The following ARMC1 variants were observed in gnomAD, a reference collection of about 807,000 sequenced individuals.
The protein encoded by ARMC1 is armadillo repeat-containing protein 1.
Under a neutral mutation model 31.4 loss-of-function variants are expected in ARMC1, and 16 were observed. The observed-to-expected ratio is 0.51, with a 90% CI of 0.34 to 0.77. The LOEUF (loss-of-function observed/expected upper bound fraction) is 0.77. ARMC1 is among the 30% of genes least tolerant of loss of function. The pLI is 0.01. For missense variants in ARMC1, 259 were observed against 347.5 expected, an observed-to-expected ratio of 0.75 and a Z score of 2.02; for synonymous variants, 114 against 118.9, an observed-to-expected ratio of 0.96 and a Z score of 0.27.
chr8:65,632,478 T>TG (rs967883216), intron 1 of ARMC1, among the ~76,000 whole-genome samples: 3 of 151,708 alleles, frequency 2.0e-5, no homozygotes, highest in Non-Finnish European at 4.4e-5. Flanking sequence ...CCAGGCGTGG[T>TG]GGGGGGCACC....
chr8:65,626,039 C>T (rs1808504648), intron 2 of ARMC1, among the ~76,000 whole-genome samples: 1 of 152,018 alleles, frequency 6.6e-6, no homozygotes, highest in African/African-American at 2.4e-5. Context: ...CAGGCACCCA[C>T]CACCACGCCC....
chr8:65,610,418 G>A (rs577102681), intron 4 of ARMC1, among the ~76,000 whole-genome samples: 6 of 143,266 alleles, frequency 4.2e-5, no homozygotes, highest in South Asian at 2.3e-4. Context: ...ATTTAAGGCC[G>A]GCTGCAGTGG....
intron 3 of ARMC1, among the ~76,000 whole-genome samples, chr8:65,617,095 C>A (rs747109053): frequency 4.9e-4 from 75 of 152,340 alleles, no homozygotes; most frequent in Non-Finnish European, 8.7e-4. Context: ...AGCCCCTCTG[C>A]CCGGCGGCCA....
rs1173920419 is a variant in ARMC1, at chr8:65,627,345, A to G, written c.54T>C (p.Val18=). ...MSEEPDALSV[V]NQLRDLAADP... is the part of the protein sequence containing the mutation. ...CTGCTGCTAGATCCCGTAACTGGTT[A>G]ACTACCGATAGAGCGTCAGGCTCTT... Residue 18 remains valine (V), a synonymous_variant, in exon 2 of 7, where the codon GTT becomes GTC. Transcript: ENST00000276569. The G allele has an allele frequency of 1.9e-6, 3 of 1,612,846 alleles. No homozygotes were observed. The highest frequency in any genetic ancestry group is 2.5e-6 in the Non-Finnish European group (3 of 1,179,188).
intron 2 of ARMC1, among the ~76,000 whole-genome samples, chr8:65,625,837 TAAGTA>T (rs900531135): frequency 1.3e-5 from 2 of 152,114 alleles, no homozygotes; most frequent in African/African-American, 2.4e-5. Context: ...CACGAGTCCT[TAAGTA>T]AAGGGCAATA....
chr8:65,605,245 A>G lies in ARMC1; in HGVS notation c.657+18T>C. ...TGAGAGTGAGTTGGATATAAAGAAA[A>G]TTAAACACAACTTTTACCTCTTCTC... On this transcript the variant is annotated intron_variant, in intron 6 of 6. Coordinates refer to ENST00000276569, the MANE Select transcript of ARMC1 (RefSeq NM_018120.6). The G allele has an allele frequency of 6.3e-7, 1 of 1,595,436 alleles. No individual in the cohort carries two copies. The highest frequency in any genetic ancestry group is 8.5e-7 in the Non-Finnish European group (1 of 1,173,858).
chr8:65,608,423 G>A (rs1035187229), intron 4 of ARMC1, among the ~76,000 whole-genome samples: 5 of 152,032 alleles, frequency 3.3e-5, no homozygotes, highest in African/African-American at 1.2e-4. Context: ...CAGCTACTTG[G>A]GAGGCTGAGG....
intron 3 of ARMC1, among the ~76,000 whole-genome samples, chr8:65,616,776 C>T (rs1808273026): frequency 6.6e-6 from 1 of 152,018 alleles, no homozygotes; most frequent in African/African-American, 2.4e-5. Context: ...GCGCCTCTGC[C>T]CAGCCGCGAC....
At chr8:65,615,295 T>A (rs1808225118) in intron 3 of ARMC1, among the ~76,000 whole-genome samples, 1 of 151,544 alleles carries the variant, frequency 6.6e-6, no homozygotes, top group East Asian at 1.9e-4. Flanking sequence ...TATTTTAGAG[T>A]TTATTGAAAA....
intron 3 of ARMC1, among the ~76,000 whole-genome samples, chr8:65,621,978 C>T (rs947723078): frequency 5.3e-5 from 8 of 151,842 alleles, no homozygotes; most frequent in Admixed American, 3.9e-4. Context: ...TGTTCTGTCG[C>T]CCAGGCTAGA....
chr8:65,614,493 T>C (rs1808209398), intron 3 of ARMC1, among the ~76,000 whole-genome samples: 1 of 152,204 alleles, frequency 6.6e-6, no homozygotes, highest in Non-Finnish European at 1.5e-5. Context: ...GACAGCACAG[T>C]CTAATGGCTC....
intron 2 of ARMC1, among the ~76,000 whole-genome samples, chr8:65,626,082 G>C (rs1412625740): frequency 6.6e-6 from 1 of 151,874 alleles, no homozygotes; most frequent in Non-Finnish European, 1.5e-5. Context: ...GTACAGACAG[G>C]GTTTCACTAC....
chr8:65,609,866 A>G (rs951548018), intron 4 of ARMC1, among the ~76,000 whole-genome samples: 1 of 33,082 alleles, frequency 3.0e-5, no homozygotes, highest in African/African-American at 1.5e-4. Context: ...TCAAAAAAAA[A>G]AAAAAAAAAA....
At chr8:65,617,619 A>G (rs1282523531) in intron 3 of ARMC1, among the ~76,000 whole-genome samples, 1 of 132,146 alleles carries the variant, frequency 7.6e-6, no homozygotes, top group African/African-American at 3.9e-5. Context: ...TGATCAATTA[A>G]AAAAAAAAAA....
chr8:65,626,441 T>TAA (rs60790153), intron 2 of ARMC1, among the ~76,000 whole-genome samples: 9,998 of 132,662 alleles, frequency 0.075, 1,188 homozygotes, highest in African/African-American at 0.25. Context: ...CTATCTCTAC[T>TAA]AAAAAAAAAA....
At position 65,613,325 on chromosome 8, in the gene ARMC1, T is replaced by C. The variant is rs755353947; in HGVS notation, c.384A>G (p.Arg128=). 39 of 1,612,750 alleles carry C rather than the reference T, an allele frequency of 2.4e-5. No homozygotes were observed. The highest frequency in any genetic ancestry group is 2.0e-5 in the Non-Finnish European group (24 of 1,179,602). ...GDSFNEMNSR[R]RKAQFFLGTT... ...TTCCCAGAAAAAATTGAGCTTTCCT[T>C]CGACGTGAATTCATCTCATTAAAAC... Residue 128 remains arginine (R), a synonymous_variant, in exon 4 of 7, where the codon CGA becomes CGG. Coordinates refer to ENST00000276569, the MANE Select transcript of ARMC1 (RefSeq NM_018120.6).
chr8:65,630,222 T>A (rs1224682383), intron 1 of ARMC1, among the ~76,000 whole-genome samples: 1 of 152,192 alleles, frequency 6.6e-6, no homozygotes, highest in Non-Finnish European at 1.5e-5. Flanking sequence ...GTGATAGATA[T>A]GTTAACTAGC....
intron 1 of ARMC1, among the ~76,000 whole-genome samples, chr8:65,628,114 G>A (rs185600124): frequency 5.3e-5 from 8 of 152,238 alleles, no homozygotes; most frequent in African/African-American, 1.7e-4. Flanking sequence ...GCCAGATGAG[G>A]AGCTAGTCAT....
chr8:65,606,944 C>G (rs777046008), intron 4 of ARMC1, among the ~76,000 whole-genome samples: 6 of 152,220 alleles, frequency 3.9e-5, no homozygotes, highest in Non-Finnish European at 8.8e-5. Flanking sequence ...GGCCCACACA[C>G]CAAATCACAC....
Sources: gnomAD v4.1 joint callset for allele counts (sites outside exome capture counted in the v4.1 genomes callset) on GRCh38, gnomAD v4.1.1 for gene constraint, MANE v1.5 for transcripts, NCBI Gene and HGNC (gene_info 2026-07-23, HGNC 2026-07-21) for gene names.